Variants in TBCD observed in about 807,000 individuals in gnomAD.
The protein encoded by TBCD is tubulin-specific chaperone D.
Under a neutral mutation model 169.3 loss-of-function variants are expected in TBCD, and 105 were observed. The observed-to-expected ratio is 0.62, with a 90% CI of 0.53 to 0.73. TBCD has a LOEUF of 0.73. TBCD is among the 30% of genes least tolerant of loss of function. TBCD has a pLI of 0.00. For missense variants in TBCD, 1,444 were observed against 1,600.1 expected, an observed-to-expected ratio of 0.90 and a Z score of 1.66; for synonymous variants, 700 against 643.9, an observed-to-expected ratio of 1.09 and a Z score of -1.32.
At chr17:82,860,549 T>A in intron 13 of TBCD, 1 of 704,008 alleles carries the variant, frequency 1.4e-6, no homozygotes, top group Non-Finnish European at 1.7e-6. Flanking sequence ...AGTTCTAGCT[T>A]AGAACAGGAA....
At chr17:82,772,607 G>C (rs1045797267) in intron 6 of TBCD, 100 bp downstream of exon 6, 2 of 1,282,858 alleles carry the variant, frequency 1.6e-6, no homozygotes, top group African/African-American at 2.9e-5. Context: ...CTCAGACGAA[G>C]GACCCCGGGA....
rs1160362685 is a variant in TBCD, at chr17:82,767,289, T to C, written c.435+921T>C. 2.0e-5 allele frequency among the ~76,000 whole-genome samples: 3 copies of C among 152,282 alleles called. No homozygotes were observed. In the East Asian group the frequency reaches 5.8e-4, roughly 29 times the overall value. On this transcript the variant is annotated intron_variant, in intron 4 of 38. Coordinates refer to ENST00000355528, the MANE Select transcript of TBCD (RefSeq NM_005993.5). Reference sequence around the variant, plus strand: ...TGTGACTGATGAGCGCTGTGGGGCATTTCCCTGCTGCCCTGCACTCCGTGC... The same window carrying C: ...TGTGACTGATGAGCGCTGTGGGGCACTTCCCTGCTGCCCTGCACTCCGTGC...
At chr17:82,871,305 G>T (rs1387889639) in intron 14 of TBCD, among the ~76,000 whole-genome samples, 1 of 152,196 alleles carries the variant, frequency 6.6e-6, no homozygotes, top group East Asian at 1.9e-4. Context: ...ACTGCTTTTG[G>T]ACTGAAATGA....
chr17:82,932,778 A>G (rs1175453026), intron 34 of TBCD, 43 bp downstream of exon 34: 1 of 1,591,094 alleles, frequency 6.3e-7, no homozygotes, highest in Non-Finnish European at 8.6e-7. Context: ...ATTAAGCCTA[A>G]GTAGCTCATG....
intron 32 of TBCD, chr17:82,929,898 A>T: frequency 2.7e-6 from 1 of 373,134 alleles, no homozygotes; most frequent in South Asian, 2.4e-5. Context: ...GTCTGTGGGG[A>T]GGGTCTCCAG....
chr17:82,771,506 C>T (rs117038673), intron 5 of TBCD, among the ~76,000 whole-genome samples: 3,767 of 151,944 alleles, frequency 0.025, 69 homozygotes, highest in Middle Eastern at 0.065. Flanking sequence ...GCAGCCTCTG[C>T]CTTTGAGGCT....
intron 13 of TBCD, chr17:82,830,027 AGCAGCAGCTGCATTTGTAAAAAT>A: frequency 6.6e-7 from 1 of 1,504,628 alleles, no homozygotes; most frequent in Non-Finnish European, 9.0e-7. Context: ...TTTTTTGAGA[AGCAGCAGCTGCATTTGTAAAAAT>A]GTGAAAGTGC....
intron 2 of TBCD, among the ~76,000 whole-genome samples, chr17:82,763,600 G>T (rs2047877093): frequency 6.6e-6 from 1 of 152,076 alleles, no homozygotes; most frequent in Non-Finnish European, 1.5e-5. Context: ...AATTAGCCAG[G>T]CGTGGTGACG....
chr17:82,761,818 C>T (rs1018439671), intron 2 of TBCD, among the ~76,000 whole-genome samples: 13 of 151,472 alleles, frequency 8.6e-5, no homozygotes, highest in Admixed American at 1.3e-4. Context: ...CTCTGCCACC[C>T]GGGTTCACGC....
intron 13 of TBCD, among the ~76,000 whole-genome samples, chr17:82,842,844 G>T (rs1598865942): frequency 6.8e-6 from 1 of 147,596 alleles, no homozygotes; most frequent in Admixed American, 6.8e-5. Context: ...GCAGTGGCGC[G>T]ATCTCGGCTC....
At chr17:82,850,503 C>G (rs1167642347) in intron 13 of TBCD, among the ~76,000 whole-genome samples, 1 of 118,282 alleles carries the variant, frequency 8.5e-6, no homozygotes, top group Non-Finnish European at 1.8e-5. Context: ...TGCTGTTTTG[C>G]TGTTGGCTGT....
At chr17:82,753,340 A>T (rs1056926984) in intron 1 of TBCD, among the ~76,000 whole-genome samples, 1 of 151,358 alleles carries the variant, frequency 6.6e-6, no homozygotes, top group African/African-American at 2.4e-5. Context: ...GCTGGGGCGG[A>T]TAACGATGCC....
chr17:82,779,713 C>T (rs1435778776), intron 6 of TBCD, among the ~76,000 whole-genome samples: 1 of 152,186 alleles, frequency 6.6e-6, no homozygotes, highest in African/African-American at 2.4e-5. Context: ...GATGGATGTG[C>T]TGGAACAAGG....
intron 13 of TBCD, among the ~76,000 whole-genome samples, chr17:82,844,991 G>A (rs1188780440): frequency 9.9e-5 from 15 of 152,238 alleles, no homozygotes; most frequent in African/African-American, 3.4e-4. Context: ...TACACCAGAG[G>A]TGGGGGGTGC....
chr17:82,865,508 G>C, intron 13 of TBCD: 6 of 985,466 alleles, frequency 6.1e-6, no homozygotes, highest in Non-Finnish European at 7.2e-6. Flanking sequence ...CGCCTTCCTC[G>C]TGGAGGGTGT....
chr17:82,896,455 T>G (rs1001844957), intron 17 of TBCD, among the ~76,000 whole-genome samples: 3 of 26,884 alleles, frequency 1.1e-4, no homozygotes, highest in East Asian at 6.8e-4. Context: ...TGCTGTCAGT[T>G]TTTTTTTTTT....
chr17:82,773,528 G>A (rs2048406359), intron 6 of TBCD, among the ~76,000 whole-genome samples: 1 of 152,158 alleles, frequency 6.6e-6, no homozygotes, highest in African/African-American at 2.4e-5. Context: ...TTCATCCCAT[G>A]GGGGTGTGAT....
chr17:82,763,961 C>A lies in TBCD; in HGVS notation c.236-4C>A. Reference sequence around the variant, plus strand: ...CAGTAAATGTTTCCTATGTTTTTCCCTAGAATGGATGATGAACTTGTTGTT... The same window carrying A: ...CAGTAAATGTTTCCTATGTTTTTCCATAGAATGGATGATGAACTTGTTGTT... On this transcript the variant is annotated splice_polypyrimidine_tract_variant and splice_region_variant and intron_variant, in intron 2 of 38. Transcript: ENST00000355528. 6.2e-7 allele frequency: 1 copy of A among 1,612,652 alleles called. No individual in the cohort carries two copies. Among genetic ancestry groups the A allele is most frequent in the Non-Finnish European group, 8.5e-7 (1 of 1,178,934 alleles).
rs2062094991 is a variant in TBCD, at chr17:82,930,344, T to C, written c.2992-178T>C. 1.2e-6 allele frequency: 1 copy of C among 817,304 alleles called. No homozygotes were observed. The highest frequency in any genetic ancestry group is 1.9e-6 in the Non-Finnish European group (1 of 539,640). The allele number at this position is 817,304 out of a possible 1,614,324, so 50.6% of individuals were successfully genotyped here. A position where few individuals can be genotyped will look rare whatever the true frequency, so the allele number is the denominator to read the frequency against. On this transcript the variant is annotated intron_variant, in intron 32 of 38. Transcript: ENST00000355528. The surrounding 1 kb of genome is among the most constrained non-coding windows in gnomAD (Gnocchi z 5.2). ...GAGAGCCTTGTGTCTGCTTCGGGTG[T>C]CTGCACTGTGAGTGGCTCCGTGCTG...
Sources: allele counts gnomAD v4.1 joint callset (sites outside exome capture counted in the v4.1 genomes callset), GRCh38; gene constraint gnomAD v4.1.1; non-coding constraint Gnocchi (gnomAD v3.1); transcripts MANE v1.5; gene names NCBI Gene and HGNC (gene_info 2026-07-23, HGNC 2026-07-21).